The following CCNY variants were observed in gnomAD, a reference collection of about 807,000 sequenced individuals.
The protein encoded by CCNY is cyclin-Y.
CCNY carries 19 observed loss-of-function variants against 42.8 expected under a neutral mutation model. The observed-to-expected ratio is 0.44, with a 90% CI of 0.31 to 0.65. The LOEUF (loss-of-function observed/expected upper bound fraction) is 0.65. Ranked by LOEUF, CCNY falls within the 30% of genes least tolerant of loss-of-function variation. The pLI, the probability that CCNY is intolerant of heterozygous loss-of-function variation, is 0.07. For synonymous variants in CCNY, 165 were observed against 162.7 expected (o/e 1.01, Z -0.11); for missense variants, 370 against 437.3 (o/e 0.85, Z 1.37).
chr10:35,452,789 A>AAAT (rs1476458967), intron 1 of CCNY, among the ~76,000 whole-genome samples: 3 of 151,612 alleles, frequency 2.0e-5, no homozygotes, highest in Non-Finnish European at 4.4e-5. Context: ...AAAAAAAAAA[A>AAAT]AATGGAAAAA....
chr10:35,297,715 A>T (rs1835488228), intron 3 of CCNY, among the ~76,000 whole-genome samples: 2 of 152,214 alleles, frequency 1.3e-5, no homozygotes, highest in Non-Finnish European at 1.5e-5. Flanking sequence ...CTGAGAGCCA[A>T]ATCAGGAATG....
At chr10:35,312,127 C>A (rs1469927834) in intron 3 of CCNY, among the ~76,000 whole-genome samples, 2 of 152,016 alleles carry the variant, frequency 1.3e-5, no homozygotes, top group African/African-American at 4.8e-5. Context: ...CCTGTAATCC[C>A]AGCCCTTTGG....
intron 3 of CCNY, among the ~76,000 whole-genome samples, chr10:35,303,733 TA>T (rs1433988866): frequency 5.6e-5 from 7 of 123,944 alleles, no homozygotes; most frequent in Admixed American, 1.1e-4. Flanking sequence ...GCCGAGATCG[TA>T]CCATTGCACT....
chr10:35,535,725 C>A (rs1368798871), intron 7 of CCNY, among the ~76,000 whole-genome samples: 1 of 152,068 alleles, frequency 6.6e-6, no homozygotes, highest in Non-Finnish European at 1.5e-5. Flanking sequence ...AGTATAACCA[C>A]AATTTACCTA....
At chr10:35,331,577 T>G (rs1835945005), upstream of CCNY, among the ~76,000 whole-genome samples, 1 of 152,122 alleles carries the variant, frequency 6.6e-6, no homozygotes. Flanking sequence ...CCTCCCTCAC[T>G]CGTTCCCTCA....
At chr10:35,278,751 A>T (rs1835266455) in intron 3 of CCNY, among the ~76,000 whole-genome samples, 1 of 152,108 alleles carries the variant, frequency 6.6e-6, no homozygotes, top group African/African-American at 2.4e-5. Flanking sequence ...CCCTTGGGCA[A>T]GGCAGTTCTC....
chr10:35,353,298 A>G (rs1249694510), intron 1 of CCNY, among the ~76,000 whole-genome samples: 1 of 152,186 alleles, frequency 6.6e-6, no homozygotes, highest in Non-Finnish European at 1.5e-5. Context: ...CAAAGATTTA[A>G]TGAATTGTGC....
At chr10:35,395,810 C>T (rs891714610) in intron 1 of CCNY, among the ~76,000 whole-genome samples, 2 of 152,290 alleles carry the variant, frequency 1.3e-5, no homozygotes, top group Admixed American at 1.3e-4. Context: ...AGGACAAACC[C>T]TCACCTTCAG....
At chr10:35,561,155 C>T (rs1375765834) in intron 8 of CCNY, among the ~76,000 whole-genome samples, 1 of 152,156 alleles carries the variant, frequency 6.6e-6, no homozygotes, top group African/African-American at 2.4e-5. Context: ...AGGTGCGTGC[C>T]AGGAGCTTGT....
rs1245886440 is a variant in CCNY at position 35,282,119 on chromosome 10, T to C, written c.-9+31493T>C. Among the ~76,000 whole-genome samples the C allele has an allele frequency of 3.5e-5, 5 of 142,310 alleles. No homozygotes were observed. In the East Asian group the frequency reaches 8.3e-4, roughly 24 times the overall value. 93.4% of individuals were successfully genotyped at this position (142,310 alleles called of 152,430 possible). A position where few individuals can be genotyped will look rare whatever the true frequency, so the allele number is the denominator to read the frequency against. On this transcript the variant is annotated intron_variant, in intron 3 of 11. Coordinates refer to the CCNY transcript ENST00000374706. ...GAATCTTCCTCATCTACACCCTTTT[T>C]TTTTTTTTTTTTTTTTTGAGACAGC...
intron 3 of CCNY, among the ~76,000 whole-genome samples, chr10:35,325,688 T>C (rs1331261576): frequency 6.6e-6 from 1 of 150,672 alleles, no homozygotes; most frequent in East Asian, 2.0e-4. Flanking sequence ...AGGCTGGTCT[T>C]GAACTCCCTA....
At chr10:35,501,621 C>T in intron 3 of CCNY, 86 bp downstream of exon 3, 1 of 1,183,120 alleles carries the variant, frequency 8.5e-7, no homozygotes, top group Non-Finnish European at 1.3e-6. Context: ...ATGAAAATGG[C>T]TCATGTGCTT....
At chr10:35,286,054 C>T (rs1334053894) in intron 3 of CCNY, among the ~76,000 whole-genome samples, 2 of 150,238 alleles carry the variant, frequency 1.3e-5, no homozygotes, top group African/African-American at 2.5e-5. Context: ...TCAGGTGATC[C>T]GTCCACCTCA....
chr10:35,424,736 A>G (rs1048316299), intron 1 of CCNY, among the ~76,000 whole-genome samples: 3 of 152,184 alleles, frequency 2.0e-5, no homozygotes, highest in Non-Finnish European at 4.4e-5. Flanking sequence ...GCTGAGAACC[A>G]AGGCGTGTTC....
chr10:35,341,944 A>G (rs1836190778), intron 1 of CCNY, among the ~76,000 whole-genome samples: 1 of 152,190 alleles, frequency 6.6e-6, no homozygotes, highest in African/African-American at 2.4e-5. Context: ...CTTAAGGATC[A>G]AATTGAGACT....
At chr10:35,380,878 C>G (rs530895387) in intron 1 of CCNY, among the ~76,000 whole-genome samples, 1 of 152,168 alleles carries the variant, frequency 6.6e-6, no homozygotes, top group South Asian at 2.1e-4. Context: ...TTCGTTGTTT[C>G]TTTTATTGTG....
intron 1 of CCNY, among the ~76,000 whole-genome samples, chr10:35,401,071 C>T (rs1837633151): frequency 6.6e-6 from 1 of 152,256 alleles, no homozygotes; most frequent in Admixed American, 6.5e-5. Flanking sequence ...CAGCAACTGG[C>T]CGGCCCCGGC....
chr10:35,535,502 CTATATGTGTATG>C (rs751733039), intron 7 of CCNY, among the ~76,000 whole-genome samples: 45 of 152,116 alleles, frequency 3.0e-4, no homozygotes, highest in Admixed American at 5.9e-4. Flanking sequence ...GTCTCTCTCC[CTATATGTGTATG>C]TATATGTGTA....
chr10:35,408,758 A>G (rs895390019), intron 1 of CCNY, among the ~76,000 whole-genome samples: 3 of 152,184 alleles, frequency 2.0e-5, no homozygotes, highest in African/African-American at 7.2e-5. Flanking sequence ...TGACAGTAAT[A>G]TGATGGGTTG....
Sources: allele counts gnomAD v4.1 joint callset (sites outside exome capture counted in the v4.1 genomes callset), GRCh38; gene constraint gnomAD v4.1.1; transcripts MANE v1.5; gene names NCBI Gene and HGNC (gene_info 2026-07-23, HGNC 2026-07-21).